Variants in TIMP4 observed in about 807,000 individuals in gnomAD.
The protein encoded by TIMP4 is TIMP metallopeptidase inhibitor 4, also known as metalloproteinase inhibitor 4.
A neutral mutation model predicts 27.3 loss-of-function variants in TIMP4; 28 were observed. The ratio of observed to expected loss-of-function variants is 1.03; its 90% CI spans 0.76 to 1.41. TIMP4 has a LOEUF of 1.41. TIMP4 is among the 40% of genes most tolerant of loss of function. TIMP4 has a pLI of 0.00. For synonymous variants in TIMP4, 138 were observed against 115.5 expected (o/e 1.20, Z -1.25); for missense variants, 307 against 285.5 (o/e 1.08, Z -0.54).
In TIMP4 at chr3:12,153,429, G is replaced by A. The variant is rs535482539; in HGVS notation, c.*86C>T. The A allele has an allele frequency of 4.7e-6, 7 of 1,474,928 alleles. No homozygotes were observed. The South Asian group carries it at 8.0e-5, about 17-fold the overall frequency. The allele number at this position is 1,474,928 out of a possible 1,614,324, so 91.4% of individuals were successfully genotyped here. ...CTTATTAGCTGGCAGCAAGAGGTCA[G>A]GTGGTAATGGCCAAAGCTCTGCAGG... On this transcript the variant is annotated 3_prime_UTR_variant, in exon 5 of 5. Coordinates refer to ENST00000287814, the MANE Select transcript of TIMP4 (RefSeq NM_003256.4).
rs752921551 is a variant in TIMP4 at position 12,154,365 on chromosome 3, T to G, written c.439A>C (p.Ser147Arg). Residue 147 changes from serine to arginine, a missense_variant, in exon 4 of 5, where the codon AGT becomes CGT. Coordinates refer to ENST00000287814, the MANE Select transcript of TIMP4 (RefSeq NM_003256.4). ...TTCAGATGGTAGTGATGATTCAGAC[T>G]TTCCCTCTGCACCAAGGACAGGTCC... ...WEDLSLVQRE[S>R]LNHHYHLNCG... The G allele has an allele frequency of 1.9e-6, 3 of 1,614,106 alleles. No individual in the cohort carries two copies. The African/African-American group carries it at 4.0e-5, about 22-fold the overall frequency.
chr3:12,153,868 C>A (rs544726683), intron 4 of TIMP4, among the ~76,000 whole-genome samples, 156 bp from the exon 5 acceptor site: 5 of 152,308 alleles, frequency 3.3e-5, no homozygotes, highest in African/African-American at 1.2e-4. Context: ...ATTCTCCTTC[C>A]CCAAGGTTCC....
chr3:12,158,850 G>A lies in TIMP4; in HGVS notation c.-10C>T, dbSNP rs749233065. On this transcript the variant is annotated 5_prime_UTR_variant, in exon 1 of 5. Coordinates refer to ENST00000287814, the MANE Select transcript of TIMP4 (RefSeq NM_003256.4). ...GAGGGCTCCCAGGCATGACACTGCA[G>A]ATCCGCGACTGAGCCTGTGAGGTCT... 49 of 1,563,252 alleles carry A rather than the reference G, an allele frequency of 3.1e-5. No individual in the cohort carries two copies. The highest frequency in any genetic ancestry group is 3.3e-5 in the Non-Finnish European group (38 of 1,158,882).
chr3:12,158,656 C>T, intron 1 of TIMP4, 46 bp downstream of exon 1: 1 of 1,604,050 alleles, frequency 6.2e-7, no homozygotes, highest in South Asian at 1.1e-5. Flanking sequence ...GATACTAATC[C>T]CCCACAACCA....
Position 12,157,430 on chromosome 3 carries a change from A to C in TIMP4, c.192T>G (p.Pro64=). ...ACCGGAGCATTTTTTCAGTGTCAGC[A>C]GGGTCTGCACTGGCCGGAACTACCT... ...SEKVVPASAD[P]ADTEKMLRYE... Residue 64 remains proline (P), a synonymous_variant, in exon 2 of 5, where the codon CCT becomes CCG. Transcript: ENST00000287814. 1 of 1,614,184 alleles carries C rather than the reference A, an allele frequency of 6.2e-7. No individual in the cohort carries two copies.
chr3:12,156,745 C>T, intron 3 of TIMP4, 75 bp downstream of exon 3: 1 of 1,227,786 alleles, frequency 8.1e-7, no homozygotes. Flanking sequence ...CAAGGAAGAC[C>T]CTGGCTCCTT....
intron 2 of TIMP4, 40 bp downstream of exon 2, chr3:12,157,345 C>T: frequency 6.3e-7 from 1 of 1,592,852 alleles, no homozygotes; most frequent in Non-Finnish European, 8.6e-7. Context: ...CTTTCTCCAT[C>T]AGCCTTAGGG....
At chr3:12,154,510 GC>G in intron 3 of TIMP4, 59 bp from the exon 4 acceptor site, 1 of 1,588,550 alleles carries the variant, frequency 6.3e-7, no homozygotes. Context: ...AGCCCCAGGG[GC>G]CCAGGTCCTT....
chr3:12,158,626 T>C (rs1487676796), intron 1 of TIMP4, 76 bp downstream of exon 1: 43 of 1,574,022 alleles, frequency 2.7e-5, no homozygotes, highest in Non-Finnish European at 6.0e-6. Context: ...TCCTCTGGAC[T>C]CCTGGTGTAC....
Position 12,153,208 on chromosome 3 carries a change from AAC to A in TIMP4, c.*305_*306del. 2.2e-6 allele frequency: 1 copy of A among 458,716 alleles called. No homozygotes were observed. Among genetic ancestry groups the A allele is most frequent in the South Asian group, 2.3e-5 (1 of 43,438 alleles). 28.4% of individuals were successfully genotyped at this position (458,716 alleles called of 1,614,324 possible). On this transcript the variant is annotated 3_prime_UTR_variant, in exon 5 of 5. Transcript: ENST00000287814. ...TACCAGATCGATTAAGACAAAGGAA[AAC>A]ACATATTCCTGGGGAGGAAAGGGAA... is the stretch of plus-strand genomic sequence containing the variant.
chr3:12,156,048 G>T (rs1574866576), intron 3 of TIMP4, among the ~76,000 whole-genome samples: 2 of 152,220 alleles, frequency 1.3e-5, no homozygotes, highest in East Asian at 3.9e-4. Context: ...TAAGGACTGT[G>T]CCTTGTTACT....
At chr3:12,156,130 C>T (rs1697449350) in intron 3 of TIMP4, among the ~76,000 whole-genome samples, 1 of 152,164 alleles carries the variant, frequency 6.6e-6, no homozygotes, top group Non-Finnish European at 1.5e-5. Context: ...GTGGATAGAT[C>T]GTGGAATCCC....
rs1033284265 is a variant in TIMP4 at position 12,158,273 on chromosome 3, G to A, written c.139+429C>T. ...CATTCCAGGCAGAGGGAAGAGAAAGGACAGAACGTGTGTGTTGCCATAGGG... is the reference window on the plus strand; with the variant it reads ...CATTCCAGGCAGAGGGAAGAGAAAGAACAGAACGTGTGTGTTGCCATAGGG... On this transcript the variant is annotated intron_variant, in intron 1 of 4. Transcript: ENST00000287814. Among the ~76,000 whole-genome samples the A allele has an allele frequency of 3.9e-5, 6 of 152,186 alleles. No homozygotes were observed. The East Asian group carries it at 1.2e-3, about 29-fold the overall frequency.
chr3:12,153,292 C>T lies in TIMP4; in HGVS notation c.*223G>A, dbSNP rs1697357654. On this transcript the variant is annotated 3_prime_UTR_variant, in exon 5 of 5. Transcript: ENST00000287814. ...GAAGAAACACTTGCAGTAACAGCTA[C>T]AAGGCTAGACTAATGGGGTTTGGGA... The T allele has an allele frequency of 6.8e-6, 4 of 588,514 alleles. No individual in the cohort carries two copies. The highest frequency in any genetic ancestry group is 4.0e-5 in the South Asian group (2 of 50,176). 36.5% of individuals were successfully genotyped at this position (588,514 alleles called of 1,614,324 possible).
chr3:12,154,272 A>G, intron 4 of TIMP4, 55 bp downstream of exon 4: 2 of 1,610,328 alleles, frequency 1.2e-6, no homozygotes, highest in Admixed American at 3.3e-5. Context: ...GCATGAATGA[A>G]GGCTCAGAAC....
intron 3 of TIMP4, 64 bp from the exon 4 acceptor site, chr3:12,154,515 G>C (rs1461687317): frequency 6.3e-7 from 1 of 1,585,768 alleles, no homozygotes; most frequent in Non-Finnish European, 8.6e-7. Context: ...CAGGGGCCCA[G>C]GTCCTTGAAA....
intron 4 of TIMP4, 109 bp from the exon 5 acceptor site, chr3:12,153,821 C>T: frequency 8.5e-7 from 1 of 1,170,284 alleles, no homozygotes; most frequent in South Asian, 1.4e-5. Context: ...TGCCCCCTAT[C>T]TTATCAAGCC....
chr3:12,157,072 T>C, intron 2 of TIMP4, 138 bp from the exon 3 acceptor site: 1 of 654,900 alleles, frequency 1.5e-6, no homozygotes, highest in Non-Finnish European at 2.6e-6. Context: ...CAGATGTCCC[T>C]ACTGGGTTAT....
Position 12,153,204 on chromosome 3 carries a change from G to A in TIMP4, c.*311C>T. On this transcript the variant is annotated 3_prime_UTR_variant, in exon 5 of 5. Coordinates refer to ENST00000287814, the MANE Select transcript of TIMP4 (RefSeq NM_003256.4). The stretch of plus-strand genomic sequence containing the variant: ...CCCCTACCAGATCGATTAAGACAAA[G>A]GAAAACACATATTCCTGGGGAGGAA... 2.2e-6 allele frequency: 1 copy of A among 450,922 alleles called. No homozygotes were observed. The highest frequency in any genetic ancestry group is 4.1e-6 in the Non-Finnish European group (1 of 242,648). The allele number at this position is 450,922 out of a possible 1,614,324, so 27.9% of individuals were successfully genotyped here.
Sources: gnomAD v4.1 joint callset for allele counts (sites outside exome capture counted in the v4.1 genomes callset) on GRCh38, gnomAD v4.1.1 for gene constraint, MANE v1.5 for transcripts, NCBI Gene and HGNC (gene_info 2026-07-23, HGNC 2026-07-21) for gene names.